UMAD1: variants seen among roughly 807,000 people sequenced by gnomAD.
UMAD1 encodes UBAP1-MVB12-associated (UMA) domain containing 1.
Under a neutral mutation model 6.1 loss-of-function variants are expected in UMAD1, and 8 were observed. That is an observed-to-expected ratio of 1.30 (90% confidence interval 0.76 to 2.35). The LOEUF (loss-of-function observed/expected upper bound fraction) is 2.35. Ranked by LOEUF, UMAD1 falls within the 30% of genes most tolerant of loss-of-function variation. The pLI, the probability that UMAD1 is intolerant of heterozygous loss-of-function variation, is 0.00. For synonymous variants in UMAD1, 56 were observed against 31.4 expected (o/e 1.78, Z -2.61); for missense variants, 130 against 78.4 (o/e 1.66, Z -2.49).
intron 3 of UMAD1, among the ~76,000 whole-genome samples, chr7:7,848,023 T>G (rs1411315905): frequency 6.6e-6 from 1 of 152,192 alleles, no homozygotes; most frequent in Admixed American, 6.5e-5. Context: ...ATTTTTAAAC[T>G]TATTAAATAA....
At chr7:7,758,287 G>A (rs1162816343) in intron 2 of UMAD1, among the ~76,000 whole-genome samples, 1 of 151,816 alleles carries the variant, frequency 6.6e-6, no homozygotes, top group Admixed American at 6.6e-5. Flanking sequence ...TTCTCACGTA[G>A]CCTATCCCAG....
At chr7:7,770,612 A>G (rs1163583863) in intron 2 of UMAD1, among the ~76,000 whole-genome samples, 2 of 152,244 alleles carry the variant, frequency 1.3e-5, no homozygotes, top group Non-Finnish European at 1.5e-5. Flanking sequence ...TGGAGAGGAG[A>G]CAAGTTTGAA....
chr7:7,760,018 A>G (rs564996640), intron 2 of UMAD1, among the ~76,000 whole-genome samples: 2 of 152,298 alleles, frequency 1.3e-5, no homozygotes, highest in African/African-American at 4.8e-5. Flanking sequence ...ATATGGCCAA[A>G]GAGACCCTGG....
At chr7:7,856,422 C>G (rs1383313149) in intron 3 of UMAD1, among the ~76,000 whole-genome samples, 3 of 152,066 alleles carry the variant, frequency 2.0e-5, no homozygotes, top group Non-Finnish European at 4.4e-5. Flanking sequence ...CTTATAAAAC[C>G]CTCAGATCTT....
intron 3 of UMAD1, among the ~76,000 whole-genome samples, chr7:7,844,607 T>G (rs1037628560): frequency 6.6e-6 from 1 of 152,190 alleles, no homozygotes; most frequent in African/African-American, 2.4e-5. Context: ...AACACATGAT[T>G]ATCTGGATTC....
chr7:7,740,898 A>T (rs1183356125), intron 2 of UMAD1: 3 of 152,124 alleles, frequency 2.0e-5, no homozygotes, highest in African/African-American at 7.2e-5. Flanking sequence ...TTGGGTCCAA[A>T]CCTATATAAT....
At chr7:7,777,377 G>A (rs1371056278) in intron 2 of UMAD1, among the ~76,000 whole-genome samples, 2 of 151,140 alleles carry the variant, frequency 1.3e-5, no homozygotes, top group East Asian at 3.9e-4. Flanking sequence ...GTGGTGGTGG[G>A]TGCCTGTAAT....
Position 7,712,785 on chromosome 7 carries a change from G to T in UMAD1, c.82+39332G>T, listed in dbSNP as rs141878348. On this transcript the variant is annotated intron_variant, in intron 2 of 3. Transcript: ENST00000682710. ...GAATGCTTATAATGTTTGCAATTGT[G>T]AACTACTACATACAATACATTTTGT... 1.9e-3 allele frequency among the ~76,000 whole-genome samples: 289 copies of T among 152,250 alleles called. 3 individuals carry two copies. The highest frequency in any genetic ancestry group is 6.8e-3 in the African/African-American group (282 of 41,552).
chr7:7,802,010 A>G (rs1782809561), intron 3 of UMAD1, among the ~76,000 whole-genome samples: 1 of 152,268 alleles, frequency 6.6e-6, no homozygotes, highest in African/African-American at 2.4e-5. Context: ...CATTTAAACT[A>G]TTTTTAATTG....
At chr7:7,823,608 T>G (rs1366974638) in intron 3 of UMAD1, among the ~76,000 whole-genome samples, 1 of 152,116 alleles carries the variant, frequency 6.6e-6, no homozygotes, top group Non-Finnish European at 1.5e-5. Flanking sequence ...TTGGGCAGGC[T>G]CTATTCACAT....
Position 7,673,310 on chromosome 7 carries a change from T to TAGC in UMAD1, c.-3_-1dup. Reference sequence around the variant, plus strand: ...CATTGTGTAATGTTTCTATTTCAGGTAGCAGCAGCAGCAGCAGCAGCAGCA... The same window carrying TAGC: ...CATTGTGTAATGTTTCTATTTCAGGTAGCAGCAGCAGCAGCAGCAGCAGCAGCA... On this transcript the variant is annotated splice_region_variant and 5_prime_UTR_variant, in exon 2 of 4. Transcript: ENST00000682710. 0.079 allele frequency: 81,148 copies of TAGC among 1,033,088 alleles called. 2,733 individuals carry two copies. The highest frequency in any genetic ancestry group is 0.11 in the Middle Eastern group (560 of 4,916). 64.0% of individuals were successfully genotyped at this position (1,033,088 alleles called of 1,614,324 possible).
At chr7:7,833,550 AAG>A (rs1221379368) in intron 3 of UMAD1, among the ~76,000 whole-genome samples, 2 of 152,170 alleles carry the variant, frequency 1.3e-5, no homozygotes, top group Non-Finnish European at 2.9e-5. Flanking sequence ...ACTGGGAAGA[AAG>A]AGGTAAGTAC....
chr7:7,843,811 C>T (rs1783732939), intron 3 of UMAD1, among the ~76,000 whole-genome samples: 1 of 152,148 alleles, frequency 6.6e-6, no homozygotes, highest in Admixed American at 6.5e-5. Context: ...GACAGAACAA[C>T]TAACATGCCC....
intron 2 of UMAD1, among the ~76,000 whole-genome samples, chr7:7,685,131 T>C (rs566153688): frequency 1.0e-3 from 157 of 152,310 alleles, no homozygotes; most frequent in African/African-American, 3.5e-3. Flanking sequence ...GTATGAATAT[T>C]CTACCTTGTA....
intron 2 of UMAD1, among the ~76,000 whole-genome samples, chr7:7,775,248 A>C (rs1782180254): frequency 6.6e-6 from 1 of 152,214 alleles, no homozygotes; most frequent in Non-Finnish European, 1.5e-5. Context: ...GCAATGAGAT[A>C]CTACTTGATA....
At chr7:7,814,053 G>A (rs1437767964) in intron 3 of UMAD1, among the ~76,000 whole-genome samples, 1 of 151,734 alleles carries the variant, frequency 6.6e-6, no homozygotes, top group East Asian at 1.9e-4. Flanking sequence ...GCGTGATCTC[G>A]GCTCACTGCA....
At chr7:7,748,633 T>G (rs567788234) in intron 2 of UMAD1, among the ~76,000 whole-genome samples, 15 of 152,262 alleles carry the variant, frequency 9.9e-5, no homozygotes, top group Admixed American at 2.6e-4. Flanking sequence ...ATAATCATAA[T>G]GCCGATTTAC....
intron 2 of UMAD1, among the ~76,000 whole-genome samples, chr7:7,751,621 C>A (rs1471454924): frequency 6.6e-6 from 1 of 152,098 alleles, no homozygotes; most frequent in Non-Finnish European, 1.5e-5. Flanking sequence ...GACAAACACC[C>A]AGCTCCTCCT....
intron 2 of UMAD1, among the ~76,000 whole-genome samples, chr7:7,733,275 G>C (rs1216456221): frequency 6.6e-6 from 1 of 152,142 alleles, no homozygotes. Flanking sequence ...TAGTTTCAAA[G>C]ATACCACTAG....
Sources: gnomAD v4.1 joint callset for allele counts (sites outside exome capture counted in the v4.1 genomes callset) on GRCh38, gnomAD v4.1.1 for gene constraint, MANE v1.5 for transcripts, NCBI Gene and HGNC (gene_info 2026-07-23, HGNC 2026-07-21) for gene names.